Variants in LIMS4 observed in about 807,000 individuals in gnomAD.
LIMS4 encodes the protein LIM zinc finger domain containing 4.
the LIMS4 span, among the ~76,000 whole-genome samples, chr2:110,426,462 C>T: frequency 3.3e-5 from 3 of 90,742 alleles, no homozygotes; most frequent in Non-Finnish European, 6.4e-5. Context: ...GTTTTTTATC[C>T]TTAACCACCC....
At chr2:110,367,689 C>A in the LIMS4 span, among the ~76,000 whole-genome samples, 3 of 146,462 alleles carry the variant, frequency 2.0e-5, no homozygotes, top group Non-Finnish European at 4.4e-5. Flanking sequence ...CCAGCCTGGG[C>A]AACATGGTGA....
chr2:110,372,702 T>TGCCATGTTG, the LIMS4 span, among the ~76,000 whole-genome samples: 2 of 148,866 alleles, frequency 1.3e-5, no homozygotes, highest in Non-Finnish European at 1.5e-5. Flanking sequence ...GATGGGGTTT[T>TGCCATGTTG]GCCATGTTGG....
At chr2:110,361,025 GTGAT>G in the LIMS4 span, 1 of 1,540,316 alleles carries the variant, frequency 6.5e-7, no homozygotes. Context: ...CTTTGGTTGA[GTGAT>G]TGCTCCTCTG....
chr2:110,425,095 C>T, the LIMS4 span, among the ~76,000 whole-genome samples: 3 of 142,438 alleles, frequency 2.1e-5, 1 homozygote, highest in Non-Finnish European at 4.4e-5. Flanking sequence ...CTGTAACACT[C>T]ACCAGCAAGG....
chr2:110,389,903 C>A, the LIMS4 span, among the ~76,000 whole-genome samples: 1 of 145,412 alleles, frequency 6.9e-6, no homozygotes, highest in African/African-American at 2.7e-5. Context: ...GCAAAGAGGC[C>A]AGGCTGGGGG....
the LIMS4 span, among the ~76,000 whole-genome samples, chr2:110,425,179 C>T: frequency 7.0e-6 from 1 of 143,448 alleles, no homozygotes; most frequent in Non-Finnish European, 1.5e-5. Flanking sequence ...ATTGTTCAAG[C>T]CCAAGAGTTT....
At chr2:110,365,966 G>A in the LIMS4 span, among the ~76,000 whole-genome samples, 2 of 150,998 alleles carry the variant, frequency 1.3e-5, no homozygotes, top group Non-Finnish European at 2.9e-5. Context: ...CCCCAAAATT[G>A]AACCAGGAAG....
chr2:110,395,857 C>T, the LIMS4 span, among the ~76,000 whole-genome samples: 7 of 128,310 alleles, frequency 5.5e-5, no homozygotes, highest in Admixed American at 1.6e-4. Context: ...ACCCTCCCAC[C>T]GACCTGTGCA....
chr2:110,371,218 G>C, the LIMS4 span, among the ~76,000 whole-genome samples: 1 of 87,822 alleles, frequency 1.1e-5, no homozygotes, highest in Non-Finnish European at 2.1e-5. Context: ...AATACTTACT[G>C]TTTCGTTTCT....
the LIMS4 span, chr2:110,360,692 CA>C: frequency 6.2e-7 from 1 of 1,602,910 alleles, no homozygotes; most frequent in Non-Finnish European, 8.5e-7. Context: ...GCTTCAGTTT[CA>C]AAAGTTTTTG....
chr2:110,361,214 A>C, the LIMS4 span: 39 of 837,470 alleles, frequency 4.7e-5, no homozygotes, highest in Middle Eastern at 3.4e-4. Flanking sequence ...CTGTTTGGTA[A>C]AGGTACCTCT....
chr2:110,381,879 C>T, the LIMS4 span, among the ~76,000 whole-genome samples: 1 of 37,184 alleles, frequency 2.7e-5, no homozygotes, highest in African/African-American at 1.6e-4. Flanking sequence ...CCATCCTGGC[C>T]AACATGGTGA....
At chr2:110,385,119 C>T in the LIMS4 span, among the ~76,000 whole-genome samples, 53 of 137,798 alleles carry the variant, frequency 3.8e-4, no homozygotes, top group African/African-American at 1.6e-3. Flanking sequence ...GTCCTCGGGA[C>T]CCTCACTCTA....
the LIMS4 span, among the ~76,000 whole-genome samples, chr2:110,371,509 G>A: frequency 2.3e-5 from 3 of 130,086 alleles, no homozygotes; most frequent in Non-Finnish European, 1.5e-5. Context: ...TTACCTACAC[G>A]CTCCTTTTTG....
At chr2:110,359,145 C>T in the LIMS4 span, 1 of 150,294 alleles carries the variant, frequency 6.7e-6, no homozygotes, top group Non-Finnish European at 1.5e-5. Context: ...AAATGTCCCA[C>T]GTTTATTTAC....
At chr2:110,425,049 A>T in the LIMS4 span, among the ~76,000 whole-genome samples, 1 of 142,620 alleles carries the variant, frequency 7.0e-6, no homozygotes, top group African/African-American at 2.9e-5. Flanking sequence ...TTCACAATAA[A>T]CCTTGCTACT....
chr2:110,359,780 CT>C, the LIMS4 span, among the ~76,000 whole-genome samples: 1 of 53,072 alleles, frequency 1.9e-5, no homozygotes, highest in Non-Finnish European at 3.6e-5. Flanking sequence ...GTATTTGTAA[CT>C]TTTACAGTAG....
the LIMS4 span, chr2:110,397,636 A>C: frequency 2.3e-5 from 2 of 88,136 alleles, no homozygotes; most frequent in Non-Finnish European, 4.8e-5. Flanking sequence ...ACGAGGCACC[A>C]GAAAGCCTCC....
the LIMS4 span, among the ~76,000 whole-genome samples, chr2:110,366,976 C>A: frequency 6.7e-6 from 1 of 148,968 alleles, no homozygotes; most frequent in Non-Finnish European, 1.5e-5. Context: ...CACACACACA[C>A]ACACACAAAT....
Sources: allele counts gnomAD v4.1 joint callset (sites outside exome capture counted in the v4.1 genomes callset), GRCh38; gene constraint gnomAD v4.1.1; transcripts MANE v1.5; gene names NCBI Gene and HGNC (gene_info 2026-07-23, HGNC 2026-07-21).